Variants in ENTREP2 observed in about 807,000 individuals in gnomAD.
The protein encoded by ENTREP2 is endosomal transmembrane epsin interactor 2, also known as protein ENTREP2.
chr15:29,317,534 A>T, the ENTREP2 span, among the ~76,000 whole-genome samples: 1 of 152,224 alleles, frequency 6.6e-6, no homozygotes, highest in Admixed American at 6.5e-5. Flanking sequence ...ATCAAATTCA[A>T]GTTCATCACA....
At chr15:29,362,757 TGATG>T in the ENTREP2 span, among the ~76,000 whole-genome samples, 1 of 152,186 alleles carries the variant, frequency 6.6e-6, no homozygotes, top group Admixed American at 6.5e-5. Context: ...AAAATGTGCC[TGATG>T]GATTAAAAGA....
At chr15:29,629,372 T>C in the ENTREP2 span, among the ~76,000 whole-genome samples, 7 of 152,200 alleles carry the variant, frequency 4.6e-5, no homozygotes, top group Non-Finnish European at 1.0e-4. Flanking sequence ...CCAGTTCTTG[T>C]TCCTTTGTGT....
the ENTREP2 span, chr15:29,234,170 G>C: frequency 6.3e-7 from 1 of 1,597,458 alleles, no homozygotes; most frequent in African/African-American, 1.3e-5. Context: ...CTCAGGCCTT[G>C]ATCTGGGTCC....
At chr15:29,480,435 G>C in the ENTREP2 span, among the ~76,000 whole-genome samples, 3 of 150,968 alleles carry the variant, frequency 2.0e-5, no homozygotes, top group African/African-American at 4.9e-5. Context: ...CTGGCACAGA[G>C]GGCCCCCCAG....
the ENTREP2 span, among the ~76,000 whole-genome samples, chr15:29,202,298 A>G: frequency 1.3e-5 from 2 of 148,248 alleles, no homozygotes; most frequent in South Asian, 2.1e-4. Context: ...CCTGACACCT[A>G]TTTGCTTTGG....
the ENTREP2 span, among the ~76,000 whole-genome samples, chr15:29,542,495 G>A: frequency 1.5e-4 from 23 of 151,308 alleles, no homozygotes; most frequent in Non-Finnish European, 2.6e-4. Context: ...TAGTAGAGAC[G>A]GGGTTTCACT....
chr15:29,285,007 G>A, the ENTREP2 span, among the ~76,000 whole-genome samples: 1 of 152,198 alleles, frequency 6.6e-6, no homozygotes, highest in Non-Finnish European at 1.5e-5. Flanking sequence ...GAGAAGACAA[G>A]GGCGAAGGAG....
the ENTREP2 span, among the ~76,000 whole-genome samples, chr15:29,385,525 C>A: frequency 6.6e-6 from 1 of 152,196 alleles, no homozygotes; most frequent in African/African-American, 2.4e-5. Flanking sequence ...CTAAAATGAC[C>A]CCTGGTGACC....
At chr15:29,657,352 C>T in the ENTREP2 span, among the ~76,000 whole-genome samples, 5 of 146,932 alleles carry the variant, frequency 3.4e-5, no homozygotes, top group African/African-American at 1.3e-4. Flanking sequence ...CTCTCAAAGA[C>T]GGCAGTGTTA....
the ENTREP2 span, among the ~76,000 whole-genome samples, chr15:29,643,710 G>A: frequency 4.6e-5 from 7 of 151,706 alleles, no homozygotes; most frequent in African/African-American, 1.7e-4. Flanking sequence ...GAACCTGGGA[G>A]GCGGAGCTTG....
chr15:29,647,141 G>C, the ENTREP2 span, among the ~76,000 whole-genome samples: 84 of 152,302 alleles, frequency 5.5e-4, no homozygotes, highest in South Asian at 1.4e-3. Context: ...CATGACTCTT[G>C]AAACTGTAGA....
the ENTREP2 span, among the ~76,000 whole-genome samples, chr15:29,284,884 A>G: frequency 3.9e-5 from 6 of 152,234 alleles, no homozygotes; most frequent in Non-Finnish European, 8.8e-5. Flanking sequence ...CTTCATGCAC[A>G]ATGGTAACGT....
the ENTREP2 span, among the ~76,000 whole-genome samples, chr15:29,619,385 TC>T: frequency 6.6e-6 from 1 of 152,002 alleles, no homozygotes; most frequent in African/African-American, 2.4e-5. Flanking sequence ...AGAGCGAGAC[TC>T]CATCTCAAAA....
the ENTREP2 span, among the ~76,000 whole-genome samples, chr15:29,280,322 C>T: frequency 1.3e-5 from 2 of 152,194 alleles, no homozygotes; most frequent in Non-Finnish European, 2.9e-5. Context: ...AAGGAAACTT[C>T]GGTTTTCTCC....
At chr15:29,415,261 T>C in the ENTREP2 span, among the ~76,000 whole-genome samples, 1 of 152,154 alleles carries the variant, frequency 6.6e-6, no homozygotes, top group Non-Finnish European at 1.5e-5. Context: ...AATAAAATAC[T>C]GGCAAACCGA....
chr15:29,525,815 G>C, the ENTREP2 span, among the ~76,000 whole-genome samples: 1 of 152,108 alleles, frequency 6.6e-6, no homozygotes, highest in Non-Finnish European at 1.5e-5. Flanking sequence ...ATGGTAACAG[G>C]AATGGATACA....
the ENTREP2 span, among the ~76,000 whole-genome samples, chr15:29,150,758 G>A: frequency 2.0e-5 from 3 of 152,082 alleles, no homozygotes; most frequent in Non-Finnish European, 4.4e-5. Context: ...TGATTAACTG[G>A]ATGTTGACTG....
At chr15:29,642,744 C>A in the ENTREP2 span, among the ~76,000 whole-genome samples, 1 of 151,924 alleles carries the variant, frequency 6.6e-6, no homozygotes, top group Non-Finnish European at 1.5e-5. Flanking sequence ...TGCCAAGTAG[C>A]TGGGACTGTA....
At chr15:29,221,530 G>T in the ENTREP2 span, among the ~76,000 whole-genome samples, 2 of 152,106 alleles carry the variant, frequency 1.3e-5, no homozygotes, top group Non-Finnish European at 1.5e-5. Context: ...TGCTGAGTTA[G>T]TAACGTTCAC....
Sources: allele counts gnomAD v4.1 joint callset (sites outside exome capture counted in the v4.1 genomes callset), GRCh38; gene constraint gnomAD v4.1.1; transcripts MANE v1.5; gene names NCBI Gene and HGNC (gene_info 2026-07-23, HGNC 2026-07-21).